Variants in ATP6V1H observed in about 807,000 individuals in gnomAD.
ATP6V1H encodes V-type proton ATPase subunit H.
Under a neutral mutation model 71.7 loss-of-function variants are expected in ATP6V1H, and 39 were observed. That is an observed-to-expected ratio of 0.54 (90% CI 0.42 to 0.71). The LOEUF is 0.71. Ranked by LOEUF, ATP6V1H falls within the 30% of genes least tolerant of loss-of-function variation. ATP6V1H has a pLI of 0.00. For missense variants in ATP6V1H, 509 were observed against 594.9 expected, an observed-to-expected ratio of 0.86 and a Z score of 1.50; for synonymous variants, 192 against 199.3, an observed-to-expected ratio of 0.96 and a Z score of 0.31.
intron 2 of ATP6V1H, among the ~76,000 whole-genome samples, chr8:53,834,190 C>T (rs1346847030): frequency 1.3e-5 from 2 of 152,086 alleles, no homozygotes; most frequent in Non-Finnish European, 2.9e-5. Flanking sequence ...GGAAGAGTTC[C>T]AGTTCCAGGT....
chr8:53,729,027 A>C (rs1225162464), intron 13 of ATP6V1H, among the ~76,000 whole-genome samples: 2 of 152,170 alleles, frequency 1.3e-5, no homozygotes, highest in East Asian at 3.9e-4. Context: ...TAATTAATAC[A>C]ATTAGTCTTG....
intron 13 of ATP6V1H, among the ~76,000 whole-genome samples, chr8:53,732,856 A>G (rs1030222740): frequency 1.3e-5 from 2 of 151,966 alleles, no homozygotes; most frequent in African/African-American, 4.8e-5. Context: ...CAGGTTCAGG[A>G]GCTAACATGC....
At chr8:53,717,224 C>G (rs1047460476) in intron 13 of ATP6V1H, among the ~76,000 whole-genome samples, 1 of 152,222 alleles carries the variant, frequency 6.6e-6, no homozygotes, top group Non-Finnish European at 1.5e-5. Context: ...CCTGCTACTG[C>G]CGCCTAGGCC....
intron 4 of ATP6V1H, among the ~76,000 whole-genome samples, chr8:53,824,111 AGTAAAT>A (rs1810752216): frequency 1.3e-5 from 2 of 152,154 alleles, no homozygotes; most frequent in Admixed American, 6.5e-5. Context: ...CTTCTATGAA[AGTAAAT>A]GTAAAAGCTT....
chr8:53,718,522 T>C (rs1302929103), intron 13 of ATP6V1H, among the ~76,000 whole-genome samples: 1 of 151,864 alleles, frequency 6.6e-6, no homozygotes, highest in Non-Finnish European at 1.5e-5. Context: ...CTTGAGAAGC[T>C]GGAACTACAG....
chr8:53,767,669 A>G (rs1274444339), intron 11 of ATP6V1H, among the ~76,000 whole-genome samples: 1 of 152,230 alleles, frequency 6.6e-6, no homozygotes, highest in Non-Finnish European at 1.5e-5. Flanking sequence ...ACCCATGTCT[A>G]TAGTCAATTG....
chr8:53,826,098 C>A (rs183079184), intron 4 of ATP6V1H, among the ~76,000 whole-genome samples: 1 of 152,232 alleles, frequency 6.6e-6, no homozygotes, highest in Admixed American at 6.5e-5. Flanking sequence ...CCTTTAAGGT[C>A]ATCTAAAGAT....
At chr8:53,770,188 T>C (rs1480090589) in intron 10 of ATP6V1H, among the ~76,000 whole-genome samples, 1 of 152,134 alleles carries the variant, frequency 6.6e-6, no homozygotes, top group Non-Finnish European at 1.5e-5. Flanking sequence ...TAAACTGTAA[T>C]AATACATCAC....
rs182172449 is a variant in ATP6V1H, at chr8:53,777,606, G to A, written c.871-5439C>T. On this transcript the variant is annotated intron_variant, in intron 9 of 13. Transcript: ENST00000359530. ...AGCAGACATACACTGGAAGATATCCGAAAGCAGGGATTGGCTAACATTTTC... is the reference window on the plus strand; with the variant it reads ...AGCAGACATACACTGGAAGATATCCAAAAGCAGGGATTGGCTAACATTTTC... 2.9e-3 allele frequency among the ~76,000 whole-genome samples: 436 copies of A among 152,206 alleles called. 1 individual carries two copies. The highest frequency in any genetic ancestry group is 7.7e-3 in the African/African-American group (319 of 41,526).
At chr8:53,779,395 T>C (rs934400830) in intron 9 of ATP6V1H, among the ~76,000 whole-genome samples, 1 of 151,832 alleles carries the variant, frequency 6.6e-6, no homozygotes, top group African/African-American at 2.4e-5. Context: ...TATTTGGAAA[T>C]TTAACAATGC....
At chr8:53,761,152 C>T (rs149257150) in intron 11 of ATP6V1H, among the ~76,000 whole-genome samples, 9,816 of 151,964 alleles carry the variant, frequency 0.065, 696 homozygotes, top group East Asian at 0.37. Flanking sequence ...CTGGCTAACA[C>T]GGTGAAACCC....
At chr8:53,785,199 T>G (rs1423873252) in intron 9 of ATP6V1H, among the ~76,000 whole-genome samples, 1 of 152,184 alleles carries the variant, frequency 6.6e-6, no homozygotes, top group Non-Finnish European at 1.5e-5. Context: ...TTTGGTCTTT[T>G]CACATAGTCC....
At chr8:53,819,511 G>A (rs1180316164) in intron 4 of ATP6V1H, among the ~76,000 whole-genome samples, 1 of 128,008 alleles carries the variant, frequency 7.8e-6, no homozygotes, top group African/African-American at 3.0e-5. Flanking sequence ...CAGCCTCAGT[G>A]AGAGAGCAAG....
chr8:53,760,469 C>A (rs1173948918), intron 11 of ATP6V1H, among the ~76,000 whole-genome samples: 3 of 152,216 alleles, frequency 2.0e-5, no homozygotes, highest in African/African-American at 7.2e-5. Context: ...CAGAACAGGG[C>A]AGTTGGATCT....
chr8:53,825,975 A>T (rs1339348855), intron 4 of ATP6V1H, among the ~76,000 whole-genome samples: 3 of 152,218 alleles, frequency 2.0e-5, no homozygotes, highest in Non-Finnish European at 1.5e-5. Context: ...TAAATAACAA[A>T]CTGGGAGAAA....
chr8:53,835,663 A>G lies in ATP6V1H; in HGVS notation c.114-2577T>C, dbSNP rs943746767. Among the ~76,000 whole-genome samples, 3 of 146,842 alleles carry G rather than the reference A, an allele frequency of 2.0e-5. No individual in the cohort carries two copies. In the East Asian group the frequency reaches 6.6e-4, roughly 32 times the overall value. ...AAGCACTGTAACTTTGTTTTCACAC[A>G]TGCTCATTTTTTAACATTTTAAACT... On this transcript the variant is annotated intron_variant, in intron 2 of 13. Transcript: ENST00000359530.
intron 2 of ATP6V1H, among the ~76,000 whole-genome samples, chr8:53,841,262 T>A (rs1198149488): frequency 2.6e-5 from 4 of 152,206 alleles, no homozygotes; most frequent in Admixed American, 2.6e-4. Context: ...TAGCAGGTTT[T>A]GCCCCTCATC....
At chr8:53,797,625 A>G (rs1240976633) in intron 8 of ATP6V1H, among the ~76,000 whole-genome samples, 2 of 151,978 alleles carry the variant, frequency 1.3e-5, no homozygotes, top group African/African-American at 4.8e-5. Flanking sequence ...CCTATTTTAC[A>G]TCACCCACCC....
intron 13 of ATP6V1H, among the ~76,000 whole-genome samples, chr8:53,724,906 C>A (rs1806757492): frequency 6.6e-6 from 1 of 150,952 alleles, no homozygotes; most frequent in South Asian, 2.1e-4. Flanking sequence ...TGCATTAAAG[C>A]CAGTGTATAT....
Sources: allele counts gnomAD v4.1 joint callset (sites outside exome capture counted in the v4.1 genomes callset), GRCh38; gene constraint gnomAD v4.1.1; transcripts MANE v1.5; gene names NCBI Gene and HGNC (gene_info 2026-07-23, HGNC 2026-07-21).